The following ASTN1 variants were observed in gnomAD, a reference collection of about 807,000 sequenced individuals.
The protein encoded by ASTN1 is astrotactin-1.
Under a neutral mutation model 140.7 loss-of-function variants are expected in ASTN1, and 41 were observed. The ratio of observed to expected loss-of-function variants is 0.29; its 90% confidence interval spans 0.23 to 0.38. The LOEUF (loss-of-function observed/expected upper bound fraction) is 0.38. Ranked by LOEUF, ASTN1 falls within the 10% of genes least tolerant of loss-of-function variation. The pLI is 1.00. For missense variants in ASTN1, 1,479 were observed against 1,678.8 expected (o/e 0.88, Z 2.08); for synonymous variants, 640 against 652.2 (o/e 0.98, Z 0.29).
At chr1:177,118,185 G>A (rs1012855459) in intron 1 of ASTN1, among the ~76,000 whole-genome samples, 5 of 152,090 alleles carry the variant, frequency 3.3e-5, no homozygotes, top group African/African-American at 1.2e-4. Context: ...TTGGATGAAT[G>A]AATAAAAGAG....
intron 1 of ASTN1, among the ~76,000 whole-genome samples, chr1:177,075,330 C>T (rs1167439706): frequency 1.3e-5 from 2 of 151,970 alleles, no homozygotes; most frequent in African/African-American, 4.8e-5. Context: ...CCTCGGTCTC[C>T]CAAAGTGCTG....
chr1:176,899,948 A>G (rs773041019), intron 16 of ASTN1, among the ~76,000 whole-genome samples: 6 of 152,214 alleles, frequency 3.9e-5, no homozygotes, highest in Non-Finnish European at 7.3e-5. Flanking sequence ...CCACTTCTAC[A>G]TGAAATAATA....
intron 21 of ASTN1, among the ~76,000 whole-genome samples, chr1:176,871,462 G>T (rs1668341402): frequency 6.6e-6 from 1 of 152,220 alleles, no homozygotes; most frequent in Non-Finnish European, 1.5e-5. Context: ...TTGCGGAGGA[G>T]CAGTGATGGC....
intron 16 of ASTN1, among the ~76,000 whole-genome samples, chr1:176,899,345 C>T (rs1479088934): frequency 6.6e-6 from 1 of 152,122 alleles, no homozygotes; most frequent in Non-Finnish European, 1.5e-5. Context: ...ACAAAAGTGA[C>T]CGGCCCATTC....
chr1:176,977,286 C>T (rs1044443000), intron 8 of ASTN1, among the ~76,000 whole-genome samples: 1 of 152,228 alleles, frequency 6.6e-6, no homozygotes, highest in East Asian at 1.9e-4. Flanking sequence ...AATTCAATCA[C>T]TCATTCATTT....
chr1:176,906,427 T>C (rs983295995), intron 16 of ASTN1, among the ~76,000 whole-genome samples: 10 of 152,212 alleles, frequency 6.6e-5, no homozygotes, highest in African/African-American at 2.4e-4. Flanking sequence ...GAAAGTACTC[T>C]GATAAATAAG....
chr1:177,064,163 A>G (rs1457439459), intron 1 of ASTN1, among the ~76,000 whole-genome samples: 5 of 152,110 alleles, frequency 3.3e-5, no homozygotes, highest in Non-Finnish European at 5.9e-5. Flanking sequence ...CCCACAACAC[A>G]CGCACCAGAC....
intron 13 of ASTN1, among the ~76,000 whole-genome samples, chr1:176,944,821 A>C (rs764285858): frequency 1.6e-4 from 24 of 152,234 alleles, no homozygotes; most frequent in Non-Finnish European, 2.9e-4. Flanking sequence ...TGAAGACTTC[A>C]GCCACCACTA....
chr1:177,101,642 G>C (rs898340734), intron 1 of ASTN1, among the ~76,000 whole-genome samples: 1 of 152,118 alleles, frequency 6.6e-6, no homozygotes, highest in African/African-American at 2.4e-5. Flanking sequence ...TGCTATCTTT[G>C]TTAAAATCCA....
intron 20 of ASTN1, among the ~76,000 whole-genome samples, chr1:176,876,915 C>A (rs969177031): frequency 2.0e-5 from 3 of 152,114 alleles, no homozygotes; most frequent in Admixed American, 6.5e-5. Flanking sequence ...CAAAGTCGGG[C>A]CCCCAGACCA....
At chr1:176,927,155 C>G (rs1671006393) in intron 16 of ASTN1, among the ~76,000 whole-genome samples, 1 of 152,110 alleles carries the variant, frequency 6.6e-6, no homozygotes, top group African/African-American at 2.4e-5. Flanking sequence ...CAGCTTGTGC[C>G]TCAGAGGGAC....
At chr1:177,106,376 C>T (rs899836128) in intron 1 of ASTN1, among the ~76,000 whole-genome samples, 24 of 152,250 alleles carry the variant, frequency 1.6e-4, no homozygotes, top group African/African-American at 5.3e-4. Flanking sequence ...TGCAATGTCC[C>T]AGGGGCATCC....
chr1:176,898,588 G>A lies in ASTN1; in HGVS notation c.2672-3758C>T, dbSNP rs1041761395. On this transcript the variant is annotated intron_variant, in intron 16 of 22. Coordinates refer to ENST00000361833, the MANE Select transcript of ASTN1 (RefSeq NM_004319.3). ...CAAAGAGAGCACCTATAACCATCACGTCTGTGGTAAGTGAGAGTCGTTCAG... is the reference window on the plus strand; with the variant it reads ...CAAAGAGAGCACCTATAACCATCACATCTGTGGTAAGTGAGAGTCGTTCAG... 2.6e-5 allele frequency among the ~76,000 whole-genome samples: 4 copies of A among 152,202 alleles called. No individual in the cohort carries two copies. The East Asian group carries it at 7.7e-4, about 29-fold the overall frequency.
chr1:176,949,567 AC>A (rs1672107388), intron 11 of ASTN1, among the ~76,000 whole-genome samples: 1 of 152,188 alleles, frequency 6.6e-6, no homozygotes, highest in African/African-American at 2.4e-5. Context: ...CTGATCACAC[AC>A]ATTTGCATTA....
intron 1 of ASTN1, among the ~76,000 whole-genome samples, chr1:177,117,514 A>T (rs1310664498): frequency 6.6e-6 from 1 of 152,158 alleles, no homozygotes; most frequent in African/African-American, 2.4e-5. Context: ...AAAAAGCCTG[A>T]CCTAGCGGAA....
At chr1:177,123,270 G>A (rs1681487885) in intron 1 of ASTN1, among the ~76,000 whole-genome samples, 1 of 152,078 alleles carries the variant, frequency 6.6e-6, no homozygotes, top group Non-Finnish European at 1.5e-5. Context: ...TGGGAAATAT[G>A]GAAGGTCAAC....
chr1:176,957,073 AT>A (rs148678416), intron 11 of ASTN1, among the ~76,000 whole-genome samples: 27 of 147,406 alleles, frequency 1.8e-4, no homozygotes, highest in South Asian at 4.4e-4. Flanking sequence ...AATTTATTCC[AT>A]TTTTTTTTTG....
intron 2 of ASTN1, among the ~76,000 whole-genome samples, chr1:177,057,564 T>C (rs745921473): frequency 2.5e-4 from 38 of 152,152 alleles, no homozygotes; most frequent in Non-Finnish European, 4.4e-4. Flanking sequence ...ATATTGGAAA[T>C]AGTTAGGATT....
intron 2 of ASTN1, among the ~76,000 whole-genome samples, chr1:177,042,709 C>A (rs1041114630): frequency 1.3e-5 from 2 of 152,164 alleles, no homozygotes; most frequent in Admixed American, 6.6e-5. Context: ...AGTAACTTAT[C>A]CAAGTTTACA....
Sources: allele counts gnomAD v4.1 joint callset (sites outside exome capture counted in the v4.1 genomes callset), GRCh38; gene constraint gnomAD v4.1.1; transcripts MANE v1.5; gene names NCBI Gene and HGNC (gene_info 2026-07-23, HGNC 2026-07-21).